SEC31A: variants seen among roughly 807,000 people sequenced by gnomAD.
SEC31A encodes protein transport protein Sec31A.
Under a neutral mutation model 151.0 loss-of-function variants are expected in SEC31A, and 70 were observed. That is an observed-to-expected ratio of 0.46 (90% CI 0.38 to 0.57). SEC31A has a LOEUF of 0.57. SEC31A is among the 20% of genes least tolerant of loss of function. The pLI is 0.00. For synonymous variants in SEC31A, 475 were observed against 505.9 expected, an observed-to-expected ratio of 0.94 and a Z score of 0.82; for missense variants, 1,330 against 1,471.2, an observed-to-expected ratio of 0.90 and a Z score of 1.57.
At chr4:82,848,140 G>A (rs1730643063) in intron 20 of SEC31A, among the ~76,000 whole-genome samples, 1 of 151,236 alleles carries the variant, frequency 6.6e-6, no homozygotes. Flanking sequence ...TTATCTGCTG[G>A]TCTGGAAATA....
chr4:82,824,817 C>A (rs987199168), intron 24 of SEC31A, 143 bp from the exon 25 acceptor site: 1 of 906,866 alleles, frequency 1.1e-6, no homozygotes, highest in Non-Finnish European at 1.6e-6. Context: ...TGTGTGAAAT[C>A]ACTTACGATA....
intron 14 of SEC31A, among the ~76,000 whole-genome samples, chr4:82,858,638 C>A (rs1234961579): frequency 1.4e-5 from 2 of 147,390 alleles, no homozygotes; most frequent in African/African-American, 5.0e-5. Flanking sequence ...GCTGAAGAAT[C>A]TTTGTTTTCT....
intron 8 of SEC31A, among the ~76,000 whole-genome samples, chr4:82,868,811 T>A (rs567690220): frequency 2.0e-5 from 3 of 152,166 alleles, no homozygotes; most frequent in Non-Finnish European, 2.9e-5. Context: ...TCCTCCTATG[T>A]CAGCCTCCCG....
intron 11 of SEC31A, among the ~76,000 whole-genome samples, chr4:82,864,128 A>AT (rs928558884): frequency 2.0e-5 from 3 of 151,310 alleles, no homozygotes; most frequent in African/African-American, 2.4e-5. Flanking sequence ...ACCTATTATT[A>AT]TTTTTTTTTA....
chr4:82,845,677 T>C (rs1273931583), intron 20 of SEC31A, among the ~76,000 whole-genome samples: 5 of 152,174 alleles, frequency 3.3e-5, no homozygotes, highest in Non-Finnish European at 5.9e-5. Flanking sequence ...AAGTGATTTT[T>C]TTTTTGGAAG....
rs56888042 is a variant in SEC31A, at chr4:82,837,199, A to ATATACATAT, written c.2968+4940_2968+4941insATATGTATA. ...TATATATATATATATATATATATAT[A>ATATACATAT]ATTTCACCACAATAAAAACTTTAAT... On this transcript the variant is annotated intron_variant, in intron 22 of 26. Transcript: ENST00000395310. 1.7e-3 allele frequency among the ~76,000 whole-genome samples: 144 copies of ATATACATAT among 83,138 alleles called. 8 individuals are homozygous for ATATACATAT. The highest frequency in any genetic ancestry group is 3.0e-3 in the Non-Finnish European group (124 of 41,044). The allele number at this position is 83,138 out of a possible 152,430, so 54.5% of individuals were successfully genotyped here.
intron 25 of SEC31A, among the ~76,000 whole-genome samples, chr4:82,822,793 G>A (rs544038716): frequency 1.1e-4 from 17 of 152,224 alleles, no homozygotes; most frequent in South Asian, 4.2e-4. Flanking sequence ...GACCAACATG[G>A]AGAAACCCTG....
At chr4:82,864,989 G>C in intron 10 of SEC31A, among the ~76,000 whole-genome samples, 1 of 152,074 alleles carries the variant, frequency 6.6e-6, no homozygotes. Flanking sequence ...GGCCAGGCTG[G>C]TCTTGAACTC....
At chr4:82,885,183 C>T (rs970157363) in intron 1 of SEC31A, among the ~76,000 whole-genome samples, 1 of 152,046 alleles carries the variant, frequency 6.6e-6, no homozygotes, top group Admixed American at 6.6e-5. Flanking sequence ...AAACAAAAAA[C>T]CAACAGATTT....
intron 1 of SEC31A, among the ~76,000 whole-genome samples, chr4:82,888,397 T>TATGCGTATATATACGCATATATATAC (rs1741419893): frequency 2.2e-4 from 11 of 50,748 alleles, no homozygotes; most frequent in African/African-American, 5.3e-4. Flanking sequence ...TATATATATA[T>TATGCGTATATATACGCATATATATAC]ACACACAGAC....
chr4:82,856,805 C>A, intron 16 of SEC31A, 147 bp downstream of exon 16: 1 of 673,438 alleles, frequency 1.5e-6, no homozygotes, highest in South Asian at 2.5e-5. Flanking sequence ...TGCCAAAATG[C>A]CAACAACTAT....
At chr4:82,897,227 T>A (rs1404334869) in intron 3 of SEC31A, among the ~76,000 whole-genome samples, 1 of 152,172 alleles carries the variant, frequency 6.6e-6, no homozygotes, top group African/African-American at 2.4e-5. Context: ...CGTATTAGGG[T>A]GTAGCTGCCC....
intron 1 of SEC31A, among the ~76,000 whole-genome samples, chr4:82,887,388 GAGAAA>G (rs58208029): frequency 0.029 from 4,308 of 150,782 alleles, 217 homozygotes; most frequent in African/African-American, 0.098. Flanking sequence ...AGAAAACATT[GAGAAA>G]AGAAAAGAAA....
intron 23 of SEC31A, 112 bp downstream of exon 23, chr4:82,828,888 T>C (rs1354119031): frequency 1.1e-5 from 8 of 756,392 alleles, no homozygotes; most frequent in Non-Finnish European, 1.8e-5. Context: ...TTTAAATACA[T>C]CACTCAGTAA....
At chr4:82,852,578 T>C (rs1731692157) in intron 18 of SEC31A, among the ~76,000 whole-genome samples, 1 of 138,182 alleles carries the variant, frequency 7.2e-6, no homozygotes, top group African/African-American at 3.0e-5. Context: ...AACCTTGATT[T>C]CCTACCCATT....
chr4:82,854,364 C>CA (rs11349113), intron 17 of SEC31A, among the ~76,000 whole-genome samples: 36,351 of 129,946 alleles, frequency 0.28, 5,593 homozygotes, highest in East Asian at 0.49. Context: ...ACTCCGTCTC[C>CA]AAAAAAAAAA....
intron 1 of SEC31A, among the ~76,000 whole-genome samples, chr4:82,884,504 A>C (rs1043800354): frequency 2.6e-5 from 4 of 152,278 alleles, no homozygotes; most frequent in East Asian, 1.9e-4. Flanking sequence ...CTCACCACCA[A>C]CATCGCACAT....
At chr4:82,849,411 G>A (rs984057757) in intron 19 of SEC31A, among the ~76,000 whole-genome samples, 26 of 152,128 alleles carry the variant, frequency 1.7e-4, no homozygotes, top group African/African-American at 5.1e-4. Context: ...TCAGGAGATC[G>A]AGACCATCCT....
intron 26 of SEC31A, among the ~76,000 whole-genome samples, chr4:82,820,241 T>C (rs1384952004): frequency 6.7e-6 from 1 of 150,354 alleles, no homozygotes; most frequent in Non-Finnish European, 1.5e-5. Flanking sequence ...GTAGCTGGGA[T>C]TACAGGCATA....
Sources: allele counts gnomAD v4.1 joint callset (sites outside exome capture counted in the v4.1 genomes callset), GRCh38; gene constraint gnomAD v4.1.1; transcripts MANE v1.5; gene names NCBI Gene and HGNC (gene_info 2026-07-23, HGNC 2026-07-21).